The following ACVR1 variants were observed in gnomAD, a reference collection of about 807,000 sequenced individuals.
ACVR1 encodes the protein activin receptor type-1.
ACVR1 carries 38 observed loss-of-function variants against 57.1 expected under a neutral mutation model. The observed-to-expected ratio is 0.67, with a 90% CI of 0.51 to 0.87. ACVR1 has a LOEUF of 0.87. ACVR1 is among the 40% of genes least tolerant of loss of function. The probability of loss-of-function intolerance (pLI) is 0.00; values close to 1 mark genes in which losing one functional copy is unlikely to be tolerated. For synonymous variants in ACVR1, 212 were observed against 228.1 expected (o/e 0.93, Z 0.63); for missense variants, 463 against 638.2 (o/e 0.73, Z 2.96).
At chr2:157,830,168 G>A (rs531227756) in intron 1 of ACVR1, among the ~76,000 whole-genome samples, 11 of 152,118 alleles carry the variant, frequency 7.2e-5, no homozygotes, top group Non-Finnish European at 1.5e-4. Flanking sequence ...TCAGTGAGCC[G>A]AGATCATGCC....
intron 1 of ACVR1, among the ~76,000 whole-genome samples, chr2:157,872,469 C>T (rs1394818796): frequency 3.3e-5 from 5 of 152,188 alleles, no homozygotes; most frequent in African/African-American, 1.2e-4. Flanking sequence ...TCAGCCCAGC[C>T]TGTGTCTCCC....
At chr2:157,857,432 G>A (rs187259080) in intron 1 of ACVR1, among the ~76,000 whole-genome samples, 65 of 150,270 alleles carry the variant, frequency 4.3e-4, no homozygotes, top group African/African-American at 1.2e-3. Flanking sequence ...CCCTTCCCCC[G>A]TCTTCCTCCA....
chr2:157,870,132 C>T (rs1391700839), intron 1 of ACVR1, among the ~76,000 whole-genome samples: 2 of 152,198 alleles, frequency 1.3e-5, no homozygotes, highest in Non-Finnish European at 2.9e-5. Context: ...TGCTTTTTCT[C>T]AAGTTCTTCT....
intron 9 of ACVR1, among the ~76,000 whole-genome samples, chr2:157,747,014 T>C (rs1684991738): frequency 6.6e-6 from 1 of 152,190 alleles, no homozygotes; most frequent in Non-Finnish European, 1.5e-5. Context: ...ATGCTCATGG[T>C]TCACTTGAGG....
chr2:157,803,985 C>CT (rs1687425503), intron 2 of ACVR1, among the ~76,000 whole-genome samples: 1 of 151,846 alleles, frequency 6.6e-6, no homozygotes, highest in Non-Finnish European at 1.5e-5. Context: ...TGTTTTCCTG[C>CT]TTTTTAGAAA....
chr2:157,871,413 T>A (rs1160416772), intron 1 of ACVR1, among the ~76,000 whole-genome samples: 2 of 152,198 alleles, frequency 1.3e-5, no homozygotes, highest in Non-Finnish European at 2.9e-5. Context: ...AGAACTGACC[T>A]TGGGTGATCC....
At chr2:157,797,596 T>C in intron 3 of ACVR1, among the ~76,000 whole-genome samples, 1 of 152,194 alleles carries the variant, frequency 6.6e-6, no homozygotes, top group South Asian at 2.1e-4. Flanking sequence ...GAATGATGAG[T>C]AACTTTTACT....
chr2:157,744,567 G>C (rs899711002), intron 9 of ACVR1, among the ~76,000 whole-genome samples: 2 of 152,184 alleles, frequency 1.3e-5, no homozygotes, highest in Non-Finnish European at 2.9e-5. Flanking sequence ...TGAAGGAAAA[G>C]ATTCTGTAAA....
At chr2:157,790,749 G>A (rs762045144) in intron 3 of ACVR1, among the ~76,000 whole-genome samples, 2 of 152,116 alleles carry the variant, frequency 1.3e-5, no homozygotes, top group Non-Finnish European at 2.9e-5. Context: ...TAAACTGCAG[G>A]AGGATTAGTT....
In ACVR1 at chr2:157,755,751, A is replaced by G. The variant is rs181451892; in HGVS notation, c.1264+5129T>C. Among the ~76,000 whole-genome samples the G allele has an allele frequency of 2.0e-3, 297 of 152,266 alleles. 2 individuals are homozygous for G. The highest frequency in any genetic ancestry group is 1.1e-3 in the Non-Finnish European group (78 of 67,972). On this transcript the variant is annotated intron_variant, in intron 9 of 10. Coordinates refer to ENST00000434821, the MANE Select transcript of ACVR1 (RefSeq NM_001111067.4). Reference sequence around the variant, plus strand: ...GTAACCATAATGCCAAAAGCAGTCTACAAATTCAATGAAATTCCCATAAAA... The same window carrying G: ...GTAACCATAATGCCAAAAGCAGTCTGCAAATTCAATGAAATTCCCATAAAA...
At chr2:157,870,449 T>C (rs1287755582) in intron 1 of ACVR1, among the ~76,000 whole-genome samples, 1 of 152,218 alleles carries the variant, frequency 6.6e-6, no homozygotes, top group Non-Finnish European at 1.5e-5. Flanking sequence ...GTATGTCCAC[T>C]GATTTCAGCC....
Position 157,780,599 on chromosome 2 carries a change from A to G in ACVR1, c.69T>C (p.Asp23=). The stretch of plus-strand genomic sequence containing the variant: ...GTTTGGGGTTGACCTTGGGCTTCTC[A>G]TCTGCAAAGGAGAGAAAGGAAGGGG... The part of the protein sequence containing the change: ...MIALPSPSME[D]EKPKVNPKLY... Residue 23 remains aspartate, a splice_region_variant and synonymous_variant, in exon 4 of 11, where the codon GAT becomes GAC. Coordinates refer to ENST00000434821, the MANE Select transcript of ACVR1 (RefSeq NM_001111067.4). 1 of 1,613,614 alleles carries G rather than the reference A, an allele frequency of 6.2e-7. No homozygotes were observed. The highest frequency in any genetic ancestry group is 8.5e-7 in the Non-Finnish European group (1 of 1,179,862).
At chr2:157,750,805 C>G (rs1685159043) in intron 9 of ACVR1, among the ~76,000 whole-genome samples, 1 of 151,632 alleles carries the variant, frequency 6.6e-6, no homozygotes, top group Non-Finnish European at 1.5e-5. Flanking sequence ...TAAAGAAGCT[C>G]AGTGAGATAT....
intron 7 of ACVR1, among the ~76,000 whole-genome samples, chr2:157,769,400 T>C (rs1685993224): frequency 6.6e-6 from 1 of 152,048 alleles, no homozygotes; most frequent in Non-Finnish European, 1.5e-5. Context: ...GTGAGGAGGA[T>C]TAAGTGATGA....
chr2:157,863,911 A>AGAGCGAT (rs1689823496), intron 1 of ACVR1, among the ~76,000 whole-genome samples: 1 of 134,838 alleles, frequency 7.4e-6, no homozygotes, highest in Non-Finnish European at 1.5e-5. Context: ...TCTGTCACCC[A>AGAGCGAT]GGTTGGAGTG....
intron 1 of ACVR1, among the ~76,000 whole-genome samples, chr2:157,853,467 T>G (rs1159945538): frequency 6.6e-6 from 1 of 152,130 alleles, no homozygotes; most frequent in Admixed American, 6.5e-5. Flanking sequence ...CCCAAAGACC[T>G]CATCTCCAAA....
chr2:157,863,011 C>CTTT (rs374223805), intron 1 of ACVR1, among the ~76,000 whole-genome samples: 3 of 62,332 alleles, frequency 4.8e-5, no homozygotes, highest in African/African-American at 2.2e-4. Flanking sequence ...AGAACATTTA[C>CTTT]TTTTTTTTTT....
chr2:157,814,195 T>C (rs1687853216), intron 2 of ACVR1, among the ~76,000 whole-genome samples: 5 of 152,212 alleles, frequency 3.3e-5, no homozygotes, highest in African/African-American at 1.2e-4. Flanking sequence ...ATTATTTCTA[T>C]ACAAATGGCC....
At chr2:157,855,651 A>C (rs1028974989) in intron 1 of ACVR1, among the ~76,000 whole-genome samples, 1 of 152,064 alleles carries the variant, frequency 6.6e-6, no homozygotes, top group Non-Finnish European at 1.5e-5. Flanking sequence ...AGTCAGCAAC[A>C]CCGTGAGTGG....
Sources: gnomAD v4.1 joint callset for allele counts (sites outside exome capture counted in the v4.1 genomes callset) on GRCh38, gnomAD v4.1.1 for gene constraint, MANE v1.5 for transcripts, NCBI Gene and HGNC (gene_info 2026-07-23, HGNC 2026-07-21) for gene names.